Variants in KDM4C observed in about 807,000 individuals in gnomAD.
KDM4C encodes the protein lysine demethylase 4C, also known as lysine-specific demethylase 4C.
KDM4C carries 81 observed loss-of-function variants against 129.3 expected under a neutral mutation model. The ratio of observed to expected loss-of-function variants is 0.63; its 90% CI spans 0.52 to 0.75. KDM4C has a LOEUF of 0.75. KDM4C is among the 30% of genes least tolerant of loss of function. The probability of loss-of-function intolerance (pLI) is 0.00; values close to 1 mark genes in which losing one functional copy is unlikely to be tolerated. For missense variants in KDM4C, 1,457 were observed against 1,304.0 expected (o/e 1.12, Z -1.81); for synonymous variants, 573 against 456.1 (o/e 1.26, Z -3.26).
chr9:6,823,951 A>T (rs1010925651), intron 4 of KDM4C, among the ~76,000 whole-genome samples: 1 of 152,256 alleles, frequency 6.6e-6, no homozygotes, highest in African/African-American at 2.4e-5. Context: ...ACTGATGGGA[A>T]GATGACAGCA....
At chr9:6,790,087 C>A (rs1017397166) in intron 1 of KDM4C, among the ~76,000 whole-genome samples, 10 of 148,342 alleles carry the variant, frequency 6.7e-5, no homozygotes, top group African/African-American at 2.5e-4. Flanking sequence ...TCAGCCTGGC[C>A]AACATGGCGA....
At chr9:6,910,391 C>T (rs994487570) in intron 8 of KDM4C, among the ~76,000 whole-genome samples, 1 of 152,058 alleles carries the variant, frequency 6.6e-6, no homozygotes, top group African/African-American at 2.4e-5. Flanking sequence ...GTTATTACCC[C>T]CATCTTATTA....
chr9:6,910,748 G>C (rs956250270), intron 8 of KDM4C, among the ~76,000 whole-genome samples: 8 of 152,218 alleles, frequency 5.3e-5, no homozygotes, highest in African/African-American at 1.9e-4. Context: ...AGTTGCCCAA[G>C]AATGTATTTA....
At chr9:6,721,162 A>T in intron 1 of KDM4C, 1 of 546,554 alleles carries the variant, frequency 1.8e-6, no homozygotes, top group South Asian at 2.6e-5. Context: ...CAGCCTCAAC[A>T]TCCCAGGCTC....
intron 12 of KDM4C, among the ~76,000 whole-genome samples, chr9:7,007,711 A>G (rs774262176): frequency 6.6e-6 from 1 of 152,136 alleles, no homozygotes; most frequent in Non-Finnish European, 1.5e-5. Flanking sequence ...TCTTCTGAGG[A>G]CCTGAAAGAA....
At chr9:7,097,320 G>T (rs1265851337) in intron 17 of KDM4C, among the ~76,000 whole-genome samples, 2 of 152,182 alleles carry the variant, frequency 1.3e-5, no homozygotes, top group Admixed American at 1.3e-4. Context: ...TAAACTCCGA[G>T]AAATTAATTA....
chr9:6,748,228 CTGGG>C (rs1817948141), intron 1 of KDM4C, among the ~76,000 whole-genome samples: 1 of 151,600 alleles, frequency 6.6e-6, no homozygotes, highest in Non-Finnish European at 1.5e-5. Context: ...CAGGAATTGG[CTGGG>C]CGTGGTGGCT....
At chr9:7,029,234 A>C (rs917689293) in intron 15 of KDM4C, among the ~76,000 whole-genome samples, 1 of 151,062 alleles carries the variant, frequency 6.6e-6, no homozygotes, top group African/African-American at 2.4e-5. Flanking sequence ...TTTAATGCCA[A>C]TATGCTCACC....
chr9:7,098,654 A>G (rs1010508244), intron 17 of KDM4C, among the ~76,000 whole-genome samples: 18 of 152,064 alleles, frequency 1.2e-4, no homozygotes, highest in African/African-American at 4.1e-4. Context: ...AGTGTCCTCC[A>G]TTTCCTTCCC....
chr9:6,925,476 A>C, intron 8 of KDM4C: 2 of 788,520 alleles, frequency 2.5e-6, no homozygotes, highest in South Asian at 1.2e-4. Flanking sequence ...CCTCTTTTCA[A>C]ATAAGGACAT....
At chr9:7,140,956 C>T (rs115804941) in intron 19 of KDM4C, among the ~76,000 whole-genome samples, 2,247 of 152,222 alleles carry the variant, frequency 0.015, 46 homozygotes, top group African/African-American at 0.051. Flanking sequence ...TCACTAAACA[C>T]AGGGCAGAGG....
intron 4 of KDM4C, among the ~76,000 whole-genome samples, chr9:6,832,155 G>A (rs1393255866): frequency 1.3e-5 from 2 of 151,806 alleles, no homozygotes; most frequent in South Asian, 2.1e-4. Flanking sequence ...TGGCTAACAC[G>A]GTGAAACCCC....
intron 15 of KDM4C, among the ~76,000 whole-genome samples, chr9:7,029,599 A>T (rs1277677632): frequency 6.6e-6 from 1 of 152,028 alleles, no homozygotes; most frequent in Non-Finnish European, 1.5e-5. Context: ...TTAATATAAG[A>T]ATAAATTAAT....
intron 17 of KDM4C, among the ~76,000 whole-genome samples, chr9:7,094,156 G>C (rs887796760): frequency 6.6e-6 from 1 of 152,184 alleles, no homozygotes. Flanking sequence ...GATCACTGCA[G>C]AAATATTGAC....
At chr9:7,127,970 A>C in intron 18 of KDM4C, 96 bp from the exon 19 acceptor site, 1 of 1,114,688 alleles carries the variant, frequency 9.0e-7, no homozygotes, top group South Asian at 2.9e-5. Context: ...TTGGCCAAAT[A>C]AATGATTGTT....
At chr9:7,073,232 C>G (rs1261465879) in intron 17 of KDM4C, among the ~76,000 whole-genome samples, 1 of 152,170 alleles carries the variant, frequency 6.6e-6, no homozygotes, top group Non-Finnish European at 1.5e-5. Flanking sequence ...TAGCTAAAAT[C>G]CTACTGCCAG....
intron 1 of KDM4C, among the ~76,000 whole-genome samples, chr9:6,747,647 G>A (rs1298766246): frequency 2.6e-5 from 4 of 152,038 alleles, no homozygotes; most frequent in South Asian, 2.1e-4. Flanking sequence ...GAATGGGAAC[G>A]GAAAAGTCAG....
intron 3 of KDM4C, among the ~76,000 whole-genome samples, chr9:6,812,497 G>T (rs62568860): frequency 0.15 from 22,720 of 152,068 alleles, 2,335 homozygotes; most frequent in African/African-American, 0.29. Context: ...GGGATGAAAC[G>T]GTCCTACCTC....
chr9:6,828,608 C>T (rs890888332), intron 4 of KDM4C, among the ~76,000 whole-genome samples: 17 of 152,082 alleles, frequency 1.1e-4, no homozygotes, highest in Non-Finnish European at 1.8e-4. Context: ...CGGTGGCTCA[C>T]GCCTGTAATC....
Sources: allele counts gnomAD v4.1 joint callset (sites outside exome capture counted in the v4.1 genomes callset), GRCh38; gene constraint gnomAD v4.1.1; transcripts MANE v1.5; gene names NCBI Gene and HGNC (gene_info 2026-07-23, HGNC 2026-07-21).